The following NBDY variants were observed in gnomAD, a reference collection of about 807,000 sequenced individuals.
NBDY encodes negative regulator of P-body association.
intron 2 of NBDY, among the ~76,000 whole-genome samples, chrX:56,797,538 C>T (rs982768235): frequency 9.0e-6 from 1 of 110,931 alleles, no homozygotes; most frequent in Non-Finnish European, 1.9e-5. Flanking sequence ...CCTCGTGTTA[C>T]TTTTAAGTGA....
intron 2 of NBDY, among the ~76,000 whole-genome samples, chrX:56,760,546 G>A (rs371908609): frequency 8.9e-6 from 1 of 111,792 alleles, no homozygotes; most frequent in Non-Finnish European, 1.9e-5. Flanking sequence ...TTAGCTGGGC[G>A]TGGTGGCACA....
At chrX:56,795,628 G>T (rs1425479834) in intron 2 of NBDY, among the ~76,000 whole-genome samples, 1 of 112,115 alleles carries the variant, frequency 8.9e-6, no homozygotes, top group Admixed American at 9.4e-5. Flanking sequence ...ACAATCAGGG[G>T]TGCGTGAACC....
At chrX:56,816,877 G>A (rs1156461443) in intron 2 of NBDY, among the ~76,000 whole-genome samples, 2 of 111,046 alleles carry the variant, frequency 1.8e-5, no homozygotes, top group Non-Finnish European at 3.8e-5. Context: ...TTGTATTCAT[G>A]TATTTATTCA....
intron 2 of NBDY, among the ~76,000 whole-genome samples, chrX:56,781,583 A>G (rs928431060): frequency 3.6e-5 from 4 of 110,248 alleles, no homozygotes; most frequent in Non-Finnish European, 5.7e-5. Flanking sequence ...CTCATTGCTC[A>G]CTCTGATTCT....
chrX:56,801,838 C>CCACAGA (rs1454734520), intron 2 of NBDY, among the ~76,000 whole-genome samples: 1 of 111,124 alleles, frequency 9.0e-6, no homozygotes, highest in South Asian at 3.9e-4. Context: ...CACCCAGAGA[C>CCACAGA]CACAGACACA....
At chrX:56,785,811 T>C (rs932268511) in intron 2 of NBDY, among the ~76,000 whole-genome samples, 1 of 111,975 alleles carries the variant, frequency 8.9e-6, no homozygotes, top group African/African-American at 3.3e-5. Context: ...CTCAACCTCA[T>C]TGATTTCTCT....
chrX:56,741,995 A>G (rs766114088), intron 2 of NBDY, among the ~76,000 whole-genome samples: 5 of 111,231 alleles, frequency 4.5e-5, no homozygotes, highest in Admixed American at 1.9e-4. Flanking sequence ...ATACATTTTG[A>G]TTTGATTTTT....
At chrX:56,760,110 T>C (rs1340615152) in intron 2 of NBDY, among the ~76,000 whole-genome samples, 1 of 112,853 alleles carries the variant, frequency 8.9e-6, no homozygotes, top group Non-Finnish European at 1.9e-5. Flanking sequence ...CTAGAGTTGC[T>C]GCTTCTCCAT....
chrX:56,741,312 A>G (rs2069531632), intron 2 of NBDY, among the ~76,000 whole-genome samples: 1 of 111,814 alleles, frequency 8.9e-6, no homozygotes, highest in African/African-American at 3.2e-5. Flanking sequence ...GGGAGTGCAG[A>G]TATCTCTTTG....
chrX:56,789,288 G>T (rs1440544505), intron 2 of NBDY, among the ~76,000 whole-genome samples: 2 of 112,063 alleles, frequency 1.8e-5, no homozygotes, highest in African/African-American at 3.2e-5. Context: ...TCTGGGCAGG[G>T]TACCCAGTGA....
intron 2 of NBDY, among the ~76,000 whole-genome samples, chrX:56,807,980 G>A (rs1422194939): frequency 9.0e-6 from 1 of 111,638 alleles, no homozygotes; most frequent in Non-Finnish European, 1.9e-5. Context: ...ATTGTTTTGA[G>A]ATACATTCCA....
At chrX:56,803,952 T>A (rs1023393008) in intron 2 of NBDY, among the ~76,000 whole-genome samples, 2 of 111,164 alleles carry the variant, frequency 1.8e-5, no homozygotes, top group African/African-American at 6.6e-5. Context: ...TCCTTCCCTC[T>A]GGATTCCTCT....
chrX:56,797,343 C>T (rs1449585601), intron 2 of NBDY, among the ~76,000 whole-genome samples: 1 of 106,034 alleles, frequency 9.4e-6, no homozygotes, highest in African/African-American at 3.5e-5. Context: ...GTTCTTCTTT[C>T]TTTCCTTTTT....
At chrX:56,803,269 C>G (rs932112108) in intron 2 of NBDY, among the ~76,000 whole-genome samples, 1 of 111,953 alleles carries the variant, frequency 8.9e-6, no homozygotes, top group African/African-American at 3.3e-5. Context: ...ATGGGTTCCC[C>G]TGGCCATCTC....
intron 2 of NBDY, among the ~76,000 whole-genome samples, chrX:56,781,061 C>T (rs761756627): frequency 7.0e-4 from 78 of 111,292 alleles, no homozygotes; most frequent in African/African-American, 2.5e-3. Context: ...CTTGGGACAT[C>T]GGGTGAAGTA....
chrX:56,793,736 G>A (rs73497127), intron 2 of NBDY, among the ~76,000 whole-genome samples: 11,045 of 110,396 alleles, frequency 0.1, 1,151 homozygotes, highest in African/African-American at 0.3. Context: ...CCTTCGCCTG[G>A]GCTCATTCTT....
At chrX:56,764,718 A>AAG (rs1556003930) in intron 2 of NBDY, among the ~76,000 whole-genome samples, 1 of 108,483 alleles carries the variant, frequency 9.2e-6, no homozygotes, top group Admixed American at 9.7e-5. Context: ...AAAAAAAAAA[A>AAG]AAAAGAAACT....
chrX:56,760,562 G>A (rs905448190), intron 2 of NBDY, among the ~76,000 whole-genome samples: 10 of 111,833 alleles, frequency 8.9e-5, no homozygotes, highest in Non-Finnish European at 5.6e-5. Flanking sequence ...GCACATGCTT[G>A]TAATCCCAAC....
At chrX:56,810,575 T>C (rs1370142358) in intron 2 of NBDY, among the ~76,000 whole-genome samples, 2 of 110,107 alleles carry the variant, frequency 1.8e-5, no homozygotes, top group Non-Finnish European at 3.8e-5. Flanking sequence ...CACGAAGTTC[T>C]TGTGCTGTGT....
Sources: gnomAD v4.1 joint callset for allele counts (sites outside exome capture counted in the v4.1 genomes callset) on GRCh38, gnomAD v4.1.1 for gene constraint, MANE v1.5 for transcripts, NCBI Gene and HGNC (gene_info 2026-07-23, HGNC 2026-07-21) for gene names.